Variants in TGFBR3 observed in about 807,000 individuals in gnomAD.
TGFBR3 encodes the protein transforming growth factor beta receptor 3, also known as transforming growth factor beta receptor type 3.
TGFBR3 carries 46 observed loss-of-function variants against 87.9 expected under a neutral mutation model. The ratio of observed to expected loss-of-function variants is 0.52; its 90% CI spans 0.41 to 0.67. The LOEUF is 0.67. Among genes scored for constraint, TGFBR3 ranks in the 30% least tolerant of loss-of-function variants. TGFBR3 has a pLI of 0.00. For missense variants in TGFBR3, 866 were observed against 1,041.9 expected (o/e 0.83, Z 2.32); for synonymous variants, 381 against 391.6 (o/e 0.97, Z 0.32).
intron 7 of TGFBR3, among the ~76,000 whole-genome samples, chr1:91,723,804 T>C (rs1338202804): frequency 6.6e-6 from 1 of 152,188 alleles, no homozygotes; most frequent in Non-Finnish European, 1.5e-5. Context: ...ATCACTTTAA[T>C]TTCCATGCCC....
At chr1:91,799,289 C>T (rs1323542669) in intron 2 of TGFBR3, among the ~76,000 whole-genome samples, 1 of 152,216 alleles carries the variant, frequency 6.6e-6, no homozygotes. Flanking sequence ...ATAGTCACTG[C>T]CACTCTCTGG....
chr1:91,752,723 T>A lies in TGFBR3; in HGVS notation c.384+5890A>T, dbSNP rs1475426526. Among the ~76,000 whole-genome samples, 17 of 146,804 alleles carry A rather than the reference T, an allele frequency of 1.2e-4. No individual in the cohort carries two copies. In the East Asian group the frequency reaches 3.4e-3, roughly 29 times the overall value. On this transcript the variant is annotated intron_variant, in intron 4 of 16. Coordinates refer to ENST00000212355, the MANE Select transcript of TGFBR3 (RefSeq NM_003243.5). The stretch of plus-strand genomic sequence containing the variant: ...GTTTGGAATACAAATAAAGCAAGAT[T>A]AAAAAAAAAAAATTAGAGGCCGGGC...
chr1:91,886,237 CG>C (rs960262995), upstream of TGFBR3: 13 of 446,864 alleles, frequency 2.9e-5, no homozygotes, highest in Non-Finnish European at 4.9e-5. Flanking sequence ...AATCAGCGCG[CG>C]GGGGGAAGGG....
At chr1:91,739,564 G>A (rs1286966261) in intron 4 of TGFBR3, among the ~76,000 whole-genome samples, 2 of 152,096 alleles carry the variant, frequency 1.3e-5, no homozygotes, top group African/African-American at 2.4e-5. Flanking sequence ...TGACTCATAC[G>A]TACACTCCCA....
intron 16 of TGFBR3, among the ~76,000 whole-genome samples, chr1:91,694,179 G>A (rs1671355055): frequency 6.6e-6 from 1 of 152,174 alleles, no homozygotes; most frequent in African/African-American, 2.4e-5. Context: ...TTTTTGTAGA[G>A]ACATGGTTTC....
intron 4 of TGFBR3, among the ~76,000 whole-genome samples, chr1:91,753,307 T>C (rs955434115): frequency 5.4e-5 from 8 of 146,874 alleles, no homozygotes; most frequent in African/African-American, 2.0e-4. Flanking sequence ...GGAGGATCGC[T>C]TGAGCCCAGA....
At chr1:91,797,707 T>G (rs771930594) in intron 2 of TGFBR3, among the ~76,000 whole-genome samples, 1 of 152,242 alleles carries the variant, frequency 6.6e-6, no homozygotes, top group Non-Finnish European at 1.5e-5. Context: ...TCACAAGTCA[T>G]GAATGCATTC....
chr1:91,872,069 G>A (rs1417356917), intron 1 of TGFBR3, among the ~76,000 whole-genome samples: 1 of 152,106 alleles, frequency 6.6e-6, no homozygotes, highest in Non-Finnish European at 1.5e-5. Flanking sequence ...TGAATCCCAG[G>A]GTGAATGACA....
chr1:91,870,808 G>A (rs1678554738), intron 1 of TGFBR3, among the ~76,000 whole-genome samples: 1 of 152,038 alleles, frequency 6.6e-6, no homozygotes, highest in Non-Finnish European at 1.5e-5. Context: ...ACCAGCCTGG[G>A]AAACATAGAA....
At chr1:91,742,512 G>A (rs938904769) in intron 4 of TGFBR3, among the ~76,000 whole-genome samples, 1 of 152,164 alleles carries the variant, frequency 6.6e-6, no homozygotes, top group African/African-American at 2.4e-5. Context: ...CTAATGATTT[G>A]ATTTTTCACC....
In TGFBR3 at chr1:91,750,456, G is replaced by A. The variant is rs186898042; in HGVS notation, c.384+8157C>T. On this transcript the variant is annotated intron_variant, in intron 4 of 16. Coordinates refer to ENST00000212355, the MANE Select transcript of TGFBR3 (RefSeq NM_003243.5). ...AAACAGGAATGACTTGTTTGAACTA[G>A]GGTAGTTGACTGACCCTAGTTCATG... Among the ~76,000 whole-genome samples the A allele has an allele frequency of 2.9e-3, 441 of 152,242 alleles. 7 individuals are homozygous for A. The highest frequency in any genetic ancestry group is 0.028 in the Admixed American group (421 of 15,290).
chr1:91,841,805 A>G (rs2799521), intron 2 of TGFBR3, among the ~76,000 whole-genome samples: 16,938 of 149,602 alleles, frequency 0.11, 1,281 homozygotes, highest in East Asian at 0.37. Flanking sequence ...AAAAAAAAAA[A>G]AAAAAAAAGT....
intron 3 of TGFBR3, among the ~76,000 whole-genome samples, chr1:91,778,690 C>G (rs1214776181): frequency 6.6e-6 from 1 of 152,188 alleles, no homozygotes; most frequent in Non-Finnish European, 1.5e-5. Flanking sequence ...ACAAATGTTT[C>G]TTGACTGCTT....
chr1:91,783,541 T>C (rs1214192051), intron 3 of TGFBR3, among the ~76,000 whole-genome samples: 3 of 152,090 alleles, frequency 2.0e-5, no homozygotes, highest in East Asian at 3.9e-4. Context: ...GACCAGACCC[T>C]CATAAATGGA....
intron 3 of TGFBR3, among the ~76,000 whole-genome samples, chr1:91,793,591 G>A (rs1229078931): frequency 6.6e-6 from 1 of 152,052 alleles, no homozygotes; most frequent in East Asian, 1.9e-4. Flanking sequence ...GATCACTTGA[G>A]GCCAGGAGTT....
intron 8 of TGFBR3, among the ~76,000 whole-genome samples, chr1:91,721,650 T>C (rs1424559559): frequency 2.0e-5 from 3 of 152,310 alleles, no homozygotes; most frequent in African/African-American, 7.2e-5. Context: ...TCTTAACTCT[T>C]CTGTATTCTC....
chr1:91,876,145 A>G lies in TGFBR3; in HGVS notation c.-114+9733T>C, dbSNP rs1678799037. Among the ~76,000 whole-genome samples the G allele has an allele frequency of 1.3e-5, 2 of 152,074 alleles. 1 individual carries two copies. Among genetic ancestry groups the G allele is most frequent in the Admixed American group, 1.3e-4 (2 of 15,248 alleles). On this transcript the variant is annotated intron_variant, in intron 1 of 16. Transcript: ENST00000212355. ...GGCGTGGGAGCCAGCAGCAGGCAGAAGAGTAAATGGGAGGTGAGAAGAAAA... is the reference window on the plus strand; with the variant it reads ...GGCGTGGGAGCCAGCAGCAGGCAGAGGAGTAAATGGGAGGTGAGAAGAAAA...
Position 91,712,373 on chromosome 1 carries a change from G to A in TGFBR3, c.2036C>T (p.Pro679Leu), listed in dbSNP as rs755626465. 36 of 1,614,076 alleles carry A rather than the reference G, an allele frequency of 2.2e-5. No homozygotes were observed. Among genetic ancestry groups the A allele is most frequent in the African/African-American group, 2.7e-5 (2 of 74,924 alleles). The change falls in exon 13 of 17, where the codon CCG (proline) becomes CTG (leucine). Residue 679 changes from proline (P) to leucine (L), a missense_variant. By Grantham distance (98) the Pro-to-Leu change is moderately conservative (BLOSUM62 -3). Transcript: ENST00000212355. ...YSPKRVHFPI[P>L]QADMDKKRFS... Reference sequence around the variant, plus strand: ...TCGCTTCTTATCCATGTCAGCTTGCGGGATAGGAAAGTGCACTCTCTTGGG... The same window carrying A: ...TCGCTTCTTATCCATGTCAGCTTGCAGGATAGGAAAGTGCACTCTCTTGGG...
At chr1:91,854,517 G>A (rs1250280194) in intron 2 of TGFBR3, among the ~76,000 whole-genome samples, 1 of 152,104 alleles carries the variant, frequency 6.6e-6, no homozygotes, top group African/African-American at 2.4e-5. Context: ...ACAGTGAGGA[G>A]GCCCCCTTCC....
Sources: gnomAD v4.1 joint callset for allele counts (sites outside exome capture counted in the v4.1 genomes callset) on GRCh38, gnomAD v4.1.1 for gene constraint, MANE v1.5 for transcripts, NCBI Gene and HGNC (gene_info 2026-07-23, HGNC 2026-07-21) for gene names.